ZNF536: variants seen among roughly 807,000 people sequenced by gnomAD.
ZNF536 encodes the protein zinc finger protein 536.
ZNF536 carries 13 observed loss-of-function variants against 84.5 expected under a neutral mutation model. The observed-to-expected ratio is 0.15, with a 90% CI of 0.10 to 0.24. The LOEUF (loss-of-function observed/expected upper bound fraction) is 0.24. Among genes scored for constraint, ZNF536 ranks in the 10% least tolerant of loss-of-function variants. The pLI is 1.00. For synonymous variants in ZNF536, 811 were observed against 742.5 expected (o/e 1.09, Z -1.50); for missense variants, 1,536 against 1,747.5 (o/e 0.88, Z 2.16).
intron 1 of ZNF536, among the ~76,000 whole-genome samples, chr19:30,281,005 G>T (rs1183508933): frequency 6.6e-6 from 1 of 152,176 alleles, no homozygotes; most frequent in Admixed American, 6.5e-5. Context: ...TCACAGGGAT[G>T]GGGGTGTGTG....
chr19:30,348,809 C>CTT (rs1308237397), intron 2 of ZNF536, among the ~76,000 whole-genome samples: 1 of 106,474 alleles, frequency 9.4e-6, no homozygotes, highest in Non-Finnish European at 2.2e-5. Flanking sequence ...CTTTTTTTTT[C>CTT]TTTTCTTTTT....
At chr19:30,472,068 T>A (rs745352420) in intron 2 of ZNF536, among the ~76,000 whole-genome samples, 6 of 152,214 alleles carry the variant, frequency 3.9e-5, no homozygotes, top group Non-Finnish European at 5.9e-5. Flanking sequence ...TCGCGCTACC[T>A]GGTCTCAGGT....
chr19:30,395,674 T>C (rs998355343), intron 1 of ZNF536, among the ~76,000 whole-genome samples: 2 of 152,228 alleles, frequency 1.3e-5, no homozygotes, highest in Non-Finnish European at 2.9e-5. Context: ...TACCTCTTCA[T>C]GTGGCTGAGT....
chr19:30,411,558 T>C (rs1490822759), intron 1 of ZNF536, among the ~76,000 whole-genome samples: 2 of 152,182 alleles, frequency 1.3e-5, no homozygotes, highest in Non-Finnish European at 2.9e-5. Context: ...TAGACTATTA[T>C]CTCAATATGT....
At chr19:30,276,310 G>A (rs1274857834) in intron 1 of ZNF536, among the ~76,000 whole-genome samples, 1 of 152,184 alleles carries the variant, frequency 6.6e-6, no homozygotes, top group Non-Finnish European at 1.5e-5. Context: ...GGAACGGAGA[G>A]TTAAACTTGG....
At chr19:30,661,561 C>A (rs1227035168) in intron 1 of ZNF536, among the ~76,000 whole-genome samples, 1 of 152,166 alleles carries the variant, frequency 6.6e-6, no homozygotes, top group African/African-American at 2.4e-5. Flanking sequence ...TCTCACCCAG[C>A]AATTCTACTT....
chr19:30,600,932 C>G (rs80208332), intron 1 of ZNF536, among the ~76,000 whole-genome samples: 1 of 152,134 alleles, frequency 6.6e-6, no homozygotes, highest in African/African-American at 2.4e-5. Flanking sequence ...TTGTTTTATT[C>G]GTTGTTTTTG....
At chr19:30,380,746 AT>A (rs2048991047) in intron 1 of ZNF536, among the ~76,000 whole-genome samples, 1 of 152,046 alleles carries the variant, frequency 6.6e-6, no homozygotes. Context: ...AGTGTGTGGC[AT>A]TTTCCAGAAG....
intron 1 of ZNF536, among the ~76,000 whole-genome samples, chr19:30,440,073 G>T (rs1378372323): frequency 6.9e-6 from 1 of 145,800 alleles, no homozygotes; most frequent in Admixed American, 7.3e-5. Flanking sequence ...TGATTCTCCT[G>T]CCTCAGCCTC....
At chr19:30,464,985 C>T (rs2053321258) in intron 2 of ZNF536, among the ~76,000 whole-genome samples, 1 of 152,056 alleles carries the variant, frequency 6.6e-6, no homozygotes, top group South Asian at 2.1e-4. Context: ...AGAACTGGGG[C>T]CGTCGGGGTT....
intron 1 of ZNF536, among the ~76,000 whole-genome samples, chr19:30,617,948 C>T (rs1455286705): frequency 3.3e-5 from 5 of 152,114 alleles, no homozygotes; most frequent in Admixed American, 3.3e-4. Context: ...TTTTATTCCA[C>T]GGACAACAAA....
chr19:30,468,698 C>T (rs142908977), intron 2 of ZNF536, among the ~76,000 whole-genome samples: 143 of 152,164 alleles, frequency 9.4e-4, no homozygotes, highest in Non-Finnish European at 1.7e-3. Flanking sequence ...TTGGGGGAAG[C>T]TGGTATGCTG....
chr19:30,382,353 G>T (rs113287056), intron 1 of ZNF536, among the ~76,000 whole-genome samples: 1 of 152,314 alleles, frequency 6.6e-6, no homozygotes, highest in Non-Finnish European at 1.5e-5. Flanking sequence ...GGTCTATCCA[G>T]TGCCTCCCGT....
chr19:30,529,559 C>T lies in ZNF536; in HGVS notation c.2171-5288C>T, dbSNP rs184598858. On this transcript the variant is annotated intron_variant, in intron 2 of 4. Coordinates refer to ENST00000355537, the MANE Select transcript of ZNF536 (RefSeq NM_014717.3). ...TTGGGGAAAGCATGCACCTTCATGTCACCTTGATCGAGGCCAACCTTGCTA... is the reference window on the plus strand; with the variant it reads ...TTGGGGAAAGCATGCACCTTCATGTTACCTTGATCGAGGCCAACCTTGCTA... Among the ~76,000 whole-genome samples, 50 of 152,322 alleles carry T rather than the reference C, an allele frequency of 3.3e-4. 1 individual carries two copies. In the East Asian group the frequency reaches 8.9e-3, roughly 27 times the overall value.
intron 1 of ZNF536, among the ~76,000 whole-genome samples, chr19:30,710,315 A>G (rs2052411846): frequency 6.6e-6 from 1 of 152,182 alleles, no homozygotes; most frequent in South Asian, 2.1e-4. Flanking sequence ...GGTTGAAAAG[A>G]GAGGGTCCCT....
chr19:30,483,276 T>G (rs907021223), intron 2 of ZNF536, among the ~76,000 whole-genome samples: 3 of 152,194 alleles, frequency 2.0e-5, no homozygotes, highest in African/African-American at 7.2e-5. Context: ...GTGGCTCCCC[T>G]TGGCAGGTCA....
rs372983563 is a variant in ZNF536, at chr19:30,377,081, C to T, written c.-3+4525C>T. On this transcript the variant is annotated intron_variant, in intron 1 of 4. Coordinates refer to ENST00000355537, the MANE Select transcript of ZNF536 (RefSeq NM_014717.3). The stretch of plus-strand genomic sequence containing the variant: ...GAAGGGGATGGAGCTTCTCTGTCAT[C>T]GAGAGAGCCAACGTGGCCTGACACT... Among the ~76,000 whole-genome samples, 150 of 152,278 alleles carry T rather than the reference C, an allele frequency of 9.9e-4. No individual in the cohort carries two copies. In the Middle Eastern group the frequency reaches 0.027, roughly 28 times the overall value.
chr19:30,288,366 T>C (rs1378033643), intron 2 of ZNF536, among the ~76,000 whole-genome samples: 2 of 152,174 alleles, frequency 1.3e-5, no homozygotes, highest in African/African-American at 4.8e-5. Flanking sequence ...CACTGCTCAG[T>C]CCTATTAGGT....
intron 1 of ZNF536, among the ~76,000 whole-genome samples, chr19:30,583,542 C>A (rs2046996023): frequency 6.6e-6 from 1 of 152,122 alleles, no homozygotes; most frequent in Non-Finnish European, 1.5e-5. Context: ...GCAGCTCCAC[C>A]CAGATGCTTA....
Sources: gnomAD v4.1 joint callset for allele counts (sites outside exome capture counted in the v4.1 genomes callset) on GRCh38, gnomAD v4.1.1 for gene constraint, MANE v1.5 for transcripts, NCBI Gene and HGNC (gene_info 2026-07-23, HGNC 2026-07-21) for gene names.